Variants in RBMS1 observed in about 807,000 individuals in gnomAD.
The protein encoded by RBMS1 is RNA-binding motif, single-stranded-interacting protein 1.
A neutral mutation model predicts 62.3 loss-of-function variants in RBMS1; 17 were observed. The ratio of observed to expected loss-of-function variants is 0.27; its 90% CI spans 0.19 to 0.41. The LOEUF (loss-of-function observed/expected upper bound fraction) is 0.41, where lower values mean the gene tolerates loss of function less well. Among genes scored for constraint, RBMS1 ranks in the 10% least tolerant of loss-of-function variants. The probability of loss-of-function intolerance (pLI) is 1.00; values close to 1 mark genes in which losing one functional copy is unlikely to be tolerated. For missense variants in RBMS1, 334 were observed against 504.5 expected (o/e 0.66, Z 3.24); for synonymous variants, 172 against 170.0 (o/e 1.01, Z -0.09).
intron 1 of RBMS1, among the ~76,000 whole-genome samples, chr2:160,489,126 CAA>C (rs1030250761): frequency 6.6e-6 from 1 of 152,062 alleles, no homozygotes; most frequent in African/African-American, 2.4e-5. Flanking sequence ...GGGGAAAAAA[CAA>C]AAAGTTGTAT....
intron 2 of RBMS1, among the ~76,000 whole-genome samples, chr2:160,365,120 G>C (rs1006463015): frequency 7.2e-5 from 11 of 152,096 alleles, no homozygotes; most frequent in Non-Finnish European, 1.5e-4. Flanking sequence ...GTTCAGAACA[G>C]GAATGCTCTT....
At chr2:160,493,182 C>A in intron 1 of RBMS1, 107 bp downstream of exon 1, 1 of 1,119,696 alleles carries the variant, frequency 8.9e-7, no homozygotes, top group South Asian at 1.4e-5. Flanking sequence ...AGCAACTCCG[C>A]CCGGCGGTGG....
chr2:160,428,701 T>C (rs1490723155), intron 1 of RBMS1, among the ~76,000 whole-genome samples: 1 of 152,190 alleles, frequency 6.6e-6, no homozygotes, highest in Non-Finnish European at 1.5e-5. Context: ...AATGTCCTTT[T>C]ACTATATAAA....
intron 1 of RBMS1, among the ~76,000 whole-genome samples, chr2:160,421,482 C>A (rs1385176713): frequency 6.6e-6 from 1 of 152,092 alleles, no homozygotes; most frequent in Non-Finnish European, 1.5e-5. Flanking sequence ...TGAACTCATC[C>A]TTTTTTATGG....
intron 1 of RBMS1, among the ~76,000 whole-genome samples, chr2:160,402,316 G>A (rs1041913015): frequency 5.9e-5 from 9 of 152,178 alleles, no homozygotes; most frequent in Admixed American, 2.6e-4. Context: ...AATGTGAAAC[G>A]TGCGTTATCA....
chr2:160,393,971 T>C (rs1419657134), intron 1 of RBMS1, among the ~76,000 whole-genome samples: 4 of 152,162 alleles, frequency 2.6e-5, no homozygotes, highest in African/African-American at 9.7e-5. Context: ...ACTTCTTTTG[T>C]AATAACACAT....
At chr2:160,349,580 A>AGAGG (rs1422432895) in intron 2 of RBMS1, among the ~76,000 whole-genome samples, 40 of 150,946 alleles carry the variant, frequency 2.6e-4, no homozygotes, top group Non-Finnish European at 4.4e-4. Context: ...AGAGAGAGAG[A>AGAGG]GAAAGGAAGG....
At chr2:160,373,715 G>GT (rs1324512066) in intron 1 of RBMS1, among the ~76,000 whole-genome samples, 2 of 152,212 alleles carry the variant, frequency 1.3e-5, no homozygotes, top group African/African-American at 4.8e-5. Context: ...AAAAGAGAAA[G>GT]TAAGGGGACT....
chr2:160,403,408 T>C (rs762021649), intron 1 of RBMS1, among the ~76,000 whole-genome samples: 3 of 152,174 alleles, frequency 2.0e-5, no homozygotes, highest in Non-Finnish European at 4.4e-5. Flanking sequence ...CAAAACCCAA[T>C]CTACTAAACA....
At chr2:160,367,158 T>C (rs1693443570) in intron 2 of RBMS1, 58 bp downstream of exon 2, 2 of 1,537,012 alleles carry the variant, frequency 1.3e-6, no homozygotes, top group African/African-American at 1.4e-5. Flanking sequence ...TATATCACTC[T>C]ATAATATGAT....
intron 1 of RBMS1, among the ~76,000 whole-genome samples, chr2:160,381,110 A>G (rs1694264296): frequency 6.6e-6 from 1 of 152,124 alleles, no homozygotes; most frequent in African/African-American, 2.4e-5. Context: ...TATAGACTCT[A>G]ACTAACTTCA....
At chr2:160,468,285 G>A (rs1339233189) in intron 1 of RBMS1, among the ~76,000 whole-genome samples, 1 of 152,162 alleles carries the variant, frequency 6.6e-6, no homozygotes, top group African/African-American at 2.4e-5. Context: ...AGGTTTCAAA[G>A]AAATTGAAGG....
At chr2:160,301,645 T>C (rs1324347161) in intron 5 of RBMS1, among the ~76,000 whole-genome samples, 2 of 152,186 alleles carry the variant, frequency 1.3e-5, no homozygotes, top group East Asian at 3.9e-4. Context: ...GAGCACATGC[T>C]GGAGATGCTG....
rs182501565 is a variant in RBMS1, at chr2:160,408,283, C to G, written c.76-40892G>C. Among the ~76,000 whole-genome samples, 537 of 152,000 alleles carry G rather than the reference C, an allele frequency of 3.5e-3. 2 individuals carry two copies. Among genetic ancestry groups the G allele is most frequent in the African/African-American group, 0.012 (500 of 41,486 alleles). ...CCACTCTGGCACCTCGGTCTTCCCT[C>G]TCTTCTTCACCTTTCGAACTAGGCC... On this transcript the variant is annotated intron_variant, in intron 1 of 13. Transcript: ENST00000348849.
At chr2:160,452,976 G>A (rs1265756597) in intron 1 of RBMS1, among the ~76,000 whole-genome samples, 1 of 152,148 alleles carries the variant, frequency 6.6e-6, no homozygotes, top group African/African-American at 2.4e-5. Context: ...TTCATCTGTA[G>A]GATGGGGTAA....
At chr2:160,461,975 C>A (rs187404467) in intron 1 of RBMS1, among the ~76,000 whole-genome samples, 1 of 152,260 alleles carries the variant, frequency 6.6e-6, no homozygotes, top group East Asian at 1.9e-4. Context: ...TAATTTCAAT[C>A]AATATTCAGT....
intron 2 of RBMS1, among the ~76,000 whole-genome samples, chr2:160,318,667 C>T (rs1690372613): frequency 6.6e-6 from 1 of 152,204 alleles, no homozygotes; most frequent in Admixed American, 6.5e-5. Context: ...AAGCTGCTTG[C>T]ATTATTCTAT....
intron 2 of RBMS1, among the ~76,000 whole-genome samples, chr2:160,324,533 T>TA (rs771758197): frequency 3.7e-4 from 54 of 147,136 alleles, no homozygotes; most frequent in East Asian, 1.4e-3. Context: ...AAAACAACAG[T>TA]AAAAAAAAAA....
intron 2 of RBMS1, among the ~76,000 whole-genome samples, chr2:160,349,638 C>T (rs866200754): frequency 3.8e-4 from 58 of 151,896 alleles, no homozygotes; most frequent in African/African-American, 1.3e-3. Context: ...ATGAGTTTGG[C>T]TATCAAGATA....
Sources: allele counts gnomAD v4.1 joint callset (sites outside exome capture counted in the v4.1 genomes callset), GRCh38; gene constraint gnomAD v4.1.1; transcripts MANE v1.5; gene names NCBI Gene and HGNC (gene_info 2026-07-23, HGNC 2026-07-21).